Variants in CABLES1 observed in about 807,000 individuals in gnomAD.
CABLES1 encodes the protein Cdk5 and Abl enzyme substrate 1, also known as CDK5 and ABL1 enzyme substrate 1.
In CABLES1, 36 loss-of-function variants were observed where a neutral mutation model predicts 57.8. That is an observed-to-expected ratio of 0.62 (90% CI 0.48 to 0.82). The LOEUF is 0.82. CABLES1 is among the 40% of genes least tolerant of loss of function. The pLI is 0.00. For synonymous variants in CABLES1, 374 were observed against 363.0 expected (o/e 1.03, Z -0.35); for missense variants, 767 against 836.6 (o/e 0.92, Z 1.03).
chr18:23,155,648 C>G (rs376484444), intron 1 of CABLES1, among the ~76,000 whole-genome samples: 1 of 152,228 alleles, frequency 6.6e-6, no homozygotes, highest in Non-Finnish European at 1.5e-5. Flanking sequence ...TTTCCTTCAA[C>G]CTCAGGGAGA....
intron 1 of CABLES1, among the ~76,000 whole-genome samples, chr18:23,167,749 A>AGGGGGG (rs1463141624): frequency 3.5e-5 from 1 of 28,556 alleles, no homozygotes. Context: ...GTGAGCAGGG[A>AGGGGGG]GGGGTGGGTG....
intron 7 of CABLES1, among the ~76,000 whole-genome samples, chr18:23,249,709 G>A (rs1407256676): frequency 6.6e-6 from 1 of 152,156 alleles, no homozygotes; most frequent in Non-Finnish European, 1.5e-5. Context: ...GAGGTTGAGT[G>A]ACTTTCTCCC....
At chr18:23,203,301 G>T (rs117158539) in intron 3 of CABLES1, among the ~76,000 whole-genome samples, 14,893 of 152,144 alleles carry the variant, frequency 0.098, 1,023 homozygotes, top group Non-Finnish European at 0.13. Flanking sequence ...TCATTTCATT[G>T]TGAACAGGTA....
At chr18:23,225,430 A>C (rs948658664) in intron 4 of CABLES1, among the ~76,000 whole-genome samples, 2 of 151,746 alleles carry the variant, frequency 1.3e-5, no homozygotes, top group Non-Finnish European at 2.9e-5. Flanking sequence ...ATTTCCTTCC[A>C]GTCTTTTTTT....
intron 3 of CABLES1, among the ~76,000 whole-genome samples, chr18:23,203,568 T>C (rs1301183463): frequency 6.6e-6 from 1 of 152,150 alleles, no homozygotes; most frequent in Non-Finnish European, 1.5e-5. Flanking sequence ...GAGCCTTTCC[T>C]TGTTGCACCA....
intron 3 of CABLES1, among the ~76,000 whole-genome samples, chr18:23,212,317 AC>A (rs2047410862): frequency 6.6e-6 from 1 of 152,216 alleles, no homozygotes; most frequent in African/African-American, 2.4e-5. Context: ...ATGTACTCTT[AC>A]AGCATTCCAA....
intron 1 of CABLES1, among the ~76,000 whole-genome samples, chr18:23,179,709 A>G (rs1368123622): frequency 6.6e-6 from 1 of 152,240 alleles, no homozygotes; most frequent in Non-Finnish European, 1.5e-5. Context: ...GCTTACTTTC[A>G]TCGGCACTTT....
At chr18:23,227,835 G>T (rs2047539089) in intron 4 of CABLES1, among the ~76,000 whole-genome samples, 1 of 152,182 alleles carries the variant, frequency 6.6e-6, no homozygotes. Flanking sequence ...TATTCTCTTT[G>T]AAGGGTCTGG....
chr18:23,157,689 A>G lies in CABLES1; in HGVS notation c.845+21082A>G, dbSNP rs540720861. On this transcript the variant is annotated intron_variant, in intron 1 of 9. Transcript: ENST00000256925. ...TTATTATCTCTTCTTAATAATTTCT[A>G]TATGATTTAATTAGATGAAAATCAG... Among the ~76,000 whole-genome samples the G allele has an allele frequency of 4.6e-4, 70 of 152,132 alleles. 1 individual carries two copies. Among genetic ancestry groups the G allele is most frequent in the African/African-American group, 1.4e-3 (59 of 41,486 alleles).
rs746989267 is a variant in CABLES1 at position 23,214,289 on chromosome 18, A to G, written c.1088+235A>G. On this transcript the variant is annotated intron_variant, in intron 4 of 9. Coordinates refer to ENST00000256925, the MANE Select transcript of CABLES1 (RefSeq NM_001100619.3). ...TATTGCCTGTTCTTTCTAAATCTACATTTTGTTACCTTATCCAATACTTGC... is the reference window on the plus strand; with the variant it reads ...TATTGCCTGTTCTTTCTAAATCTACGTTTTGTTACCTTATCCAATACTTGC... 154 of 442,822 alleles carry G rather than the reference A, an allele frequency of 3.5e-4. 3 individuals carry two copies. The Middle Eastern group carries it at 6.3e-3, about 18-fold the overall frequency. 27.4% of individuals were successfully genotyped at this position (442,822 alleles called of 1,614,324 possible).
chr18:23,185,040 AATTCAC>A (rs1432283853), intron 1 of CABLES1, among the ~76,000 whole-genome samples: 2 of 152,218 alleles, frequency 1.3e-5, no homozygotes, highest in African/African-American at 4.8e-5. Context: ...TGTGTGTGTG[AATTCAC>A]ACCTGTTCAG....
chr18:23,154,754 C>T lies in CABLES1; in HGVS notation c.845+18147C>T, dbSNP rs141667141. Among the ~76,000 whole-genome samples, 152 of 152,292 alleles carry T rather than the reference C, an allele frequency of 1.0e-3. 1 individual carries two copies. The highest frequency in any genetic ancestry group is 3.4e-3 in the African/African-American group (141 of 41,564). On this transcript the variant is annotated intron_variant, in intron 1 of 9. Transcript: ENST00000256925. ...GGATCCCTTCTAACGGAAGCCCATC[C>T]TCTCCCACTCTGCTCTCTTGCCTTT...
chr18:23,247,709 G>A (rs566289504), intron 7 of CABLES1, among the ~76,000 whole-genome samples: 3 of 152,366 alleles, frequency 2.0e-5, no homozygotes, highest in South Asian at 4.1e-4. Flanking sequence ...TCTTGAGCCT[G>A]TGTTCTTCCC....
rs1598815369 is a variant in CABLES1 at position 23,181,454 on chromosome 18, C to T, written c.846-7384C>T. Among the ~76,000 whole-genome samples, 6 of 128,350 alleles carry T rather than the reference C, an allele frequency of 4.7e-5. No individual in the cohort carries two copies. In the Admixed American group the frequency reaches 5.7e-4, roughly 12 times the overall value. 84.2% of individuals were successfully genotyped at this position (128,350 alleles called of 152,430 possible). On this transcript the variant is annotated intron_variant, in intron 1 of 9. Coordinates refer to ENST00000256925, the MANE Select transcript of CABLES1 (RefSeq NM_001100619.3). ...GAGGTTGTGGTAAGCCAAGATCACACCATTGCACTCCAGCCTGGGCAACAA... is the reference window on the plus strand; with the variant it reads ...GAGGTTGTGGTAAGCCAAGATCACATCATTGCACTCCAGCCTGGGCAACAA...
upstream of CABLES1, chr18:23,135,392 C>A: frequency 6.6e-6 from 1 of 152,532 alleles, no homozygotes. Flanking sequence ...GTCGCATTCC[C>A]CACACGTGAT....
chr18:23,199,148 C>A (rs565809128), intron 3 of CABLES1, among the ~76,000 whole-genome samples: 264 of 152,236 alleles, frequency 1.7e-3, no homozygotes, highest in Middle Eastern at 6.8e-3. Flanking sequence ...CTTAAGCAAA[C>A]TTACAAGAAT....
intron 7 of CABLES1, among the ~76,000 whole-genome samples, chr18:23,248,276 C>T (rs950708611): frequency 1.3e-5 from 2 of 152,198 alleles, no homozygotes; most frequent in East Asian, 3.8e-4. Context: ...TCTGTCCCCG[C>T]CTTCACCGAG....
chr18:23,178,486 C>T (rs1568055532), intron 1 of CABLES1, among the ~76,000 whole-genome samples: 1 of 152,200 alleles, frequency 6.6e-6, no homozygotes, highest in Non-Finnish European at 1.5e-5. Context: ...ACCTTCATGG[C>T]GGCCAGGTGT....
intron 2 of CABLES1, among the ~76,000 whole-genome samples, chr18:23,190,785 A>G (rs1452478501): frequency 6.6e-6 from 1 of 152,122 alleles, no homozygotes; most frequent in Admixed American, 6.5e-5. Flanking sequence ...TTGATTTAAA[A>G]AAGTTCTCAG....
Sources: allele counts gnomAD v4.1 joint callset (sites outside exome capture counted in the v4.1 genomes callset), GRCh38; gene constraint gnomAD v4.1.1; transcripts MANE v1.5; gene names NCBI Gene and HGNC (gene_info 2026-07-23, HGNC 2026-07-21).